Variants in TENM2 observed in about 807,000 individuals in gnomAD.
TENM2 encodes the protein teneurin transmembrane protein 2, also known as teneurin-2.
TENM2 carries 52 observed loss-of-function variants against 245.2 expected under a neutral mutation model. That is an observed-to-expected ratio of 0.21 (90% confidence interval 0.17 to 0.27). TENM2 has a LOEUF of 0.27. Among genes scored for constraint, TENM2 ranks in the 10% least tolerant of loss-of-function variants. The pLI is 1.00. For synonymous variants in TENM2, 1,363 were observed against 1,438.9 expected (o/e 0.95, Z 1.19); for missense variants, 3,046 against 3,666.8 (o/e 0.83, Z 4.37).
At chr5:167,404,863 C>A (rs1253945239) in intron 2 of TENM2, among the ~76,000 whole-genome samples, 2 of 152,102 alleles carry the variant, frequency 1.3e-5, no homozygotes, top group African/African-American at 4.8e-5. Context: ...GCTTGTGCAA[C>A]CTTCAGCACA....
rs1386233003 is a variant in TENM2 at position 167,486,984 on chromosome 5, C to G, written c.502+111511C>G. Among the ~76,000 whole-genome samples, 3 of 152,208 alleles carry G rather than the reference C, an allele frequency of 2.0e-5. No individual in the cohort carries two copies. In the East Asian group the frequency reaches 5.8e-4, roughly 29 times the overall value. On this transcript the variant is annotated intron_variant, in intron 2 of 28. Coordinates refer to ENST00000518659, the Ensembl canonical transcript of TENM2. Reference sequence around the variant, plus strand: ...AGTACAGCAAAAATGTACATATGTACATACATAAATATCAAGAGATTGTTT... The same window carrying G: ...AGTACAGCAAAAATGTACATATGTAGATACATAAATATCAAGAGATTGTTT...
At chr5:167,551,600 A>G (rs1385627828) in intron 2 of TENM2, among the ~76,000 whole-genome samples, 1 of 152,236 alleles carries the variant, frequency 6.6e-6, no homozygotes, top group East Asian at 1.9e-4. Context: ...ATATACACAC[A>G]CATACATACA....
At chr5:167,760,529 T>G (rs759951549) in intron 2 of TENM2, among the ~76,000 whole-genome samples, 2 of 152,184 alleles carry the variant, frequency 1.3e-5, no homozygotes, top group Non-Finnish European at 2.9e-5. Context: ...AGAATTTTTA[T>G]TGTTGGCCTG....
rs533021158 is a variant in TENM2, at chr5:167,955,907, C to T, written c.947+3085C>T. Among the ~76,000 whole-genome samples the T allele has an allele frequency of 2.0e-5, 3 of 152,274 alleles. No individual in the cohort carries two copies. In the South Asian group the frequency reaches 6.2e-4, roughly 32 times the overall value. ...AGTTTGAAGTCAGGTAGCGTGATGA[C>T]TCCTGTTTTGTTCTTTTTGCTTAGG... is the stretch of plus-strand genomic sequence containing the variant. On this transcript the variant is annotated intron_variant, in intron 4 of 28. Transcript: ENST00000518659.
At chr5:168,152,414 C>T (rs967665806) in intron 12 of TENM2, among the ~76,000 whole-genome samples, 3 of 152,164 alleles carry the variant, frequency 2.0e-5, no homozygotes, top group African/African-American at 4.8e-5. Flanking sequence ...TGATTTTACA[C>T]TAGTTAAAAG....
At chr5:167,378,628 C>G (rs920284017) in intron 2 of TENM2, among the ~76,000 whole-genome samples, 1 of 151,988 alleles carries the variant, frequency 6.6e-6, no homozygotes. Context: ...AAGGGCTTTC[C>G]TAGTAACTTT....
chr5:168,200,800 T>A (rs939237147), intron 17 of TENM2, among the ~76,000 whole-genome samples: 72 of 152,364 alleles, frequency 4.7e-4, no homozygotes, highest in East Asian at 1.9e-4. Context: ...AGTTGTGAGC[T>A]GTAGATTAAT....
intron 2 of TENM2, among the ~76,000 whole-genome samples, chr5:167,792,868 C>T (rs1168244970): frequency 2.0e-5 from 3 of 152,162 alleles, no homozygotes; most frequent in Non-Finnish European, 4.4e-5. Context: ...AACATTTTCA[C>T]GGTTTCTGCA....
chr5:167,060,066 C>T, the TENM2 span, among the ~76,000 whole-genome samples: 91,973 of 151,982 alleles, frequency 0.61, 30,213 homozygotes, highest in African/African-American at 0.88. Flanking sequence ...AAATTAAAAA[C>T]TTTTTAATTA....
At chr5:167,325,419 C>T (rs539435289) in intron 1 of TENM2, among the ~76,000 whole-genome samples, 1 of 152,290 alleles carries the variant, frequency 6.6e-6, no homozygotes, top group South Asian at 2.1e-4. Flanking sequence ...AGTCAACAAG[C>T]AACTATTGTA....
At chr5:167,480,323 G>A (rs747367964) in intron 2 of TENM2, among the ~76,000 whole-genome samples, 6 of 152,148 alleles carry the variant, frequency 3.9e-5, no homozygotes, top group South Asian at 2.1e-4. Context: ...GTTAATGCTC[G>A]TAATGTTTTT....
intron 15 of TENM2, among the ~76,000 whole-genome samples, chr5:168,198,186 C>T (rs571338517): frequency 4.2e-4 from 61 of 145,008 alleles, no homozygotes; most frequent in Middle Eastern, 3.6e-3. Flanking sequence ...TGCCAATGAA[C>T]CCTTTTTTTT....
At chr5:167,279,080 C>G in the TENM2 span, among the ~76,000 whole-genome samples, 1 of 152,100 alleles carries the variant, frequency 6.6e-6, no homozygotes, top group African/African-American at 2.4e-5. Context: ...TCTTTTATTT[C>G]AGTACTTGAA....
the TENM2 span, among the ~76,000 whole-genome samples, chr5:167,142,462 A>C: frequency 2.6e-5 from 4 of 151,420 alleles, no homozygotes; most frequent in Admixed American, 2.6e-4. Flanking sequence ...ACTTTTATCC[A>C]TATATATATA....
intron 2 of TENM2, among the ~76,000 whole-genome samples, chr5:167,475,309 G>T (rs888913229): frequency 3.9e-5 from 6 of 151,928 alleles, no homozygotes; most frequent in Non-Finnish European, 7.4e-5. Flanking sequence ...AGAAACTATT[G>T]ACCCAAAGAA....
rs1056314031 is a variant in TENM2 at position 167,958,333 on chromosome 5, A to T, written c.947+5511A>T. Among the ~76,000 whole-genome samples the T allele has an allele frequency of 3.3e-5, 5 of 152,240 alleles. No homozygotes were observed. The East Asian group carries it at 7.7e-4, about 23-fold the overall frequency. Reference sequence around the variant, plus strand: ...GTTTTTTGCTTTCCATTTGCTTGGTAGACATTCCTCCATCCCTTTATTTTG... The same window carrying T: ...GTTTTTTGCTTTCCATTTGCTTGGTTGACATTCCTCCATCCCTTTATTTTG... On this transcript the variant is annotated intron_variant, in intron 4 of 28. Transcript: ENST00000518659.
chr5:167,268,935 C>T, the TENM2 span, among the ~76,000 whole-genome samples: 3 of 131,172 alleles, frequency 2.3e-5, no homozygotes, highest in African/African-American at 8.6e-5. Context: ...GATAGACAGA[C>T]ATTTTTTTTT....
At position 167,698,669 on chromosome 5, in the gene TENM2, TTTGTTTTTTG is replaced by T. The variant is rs1254606044; in HGVS notation, c.503-177314_503-177305del. On this transcript the variant is annotated intron_variant, in intron 2 of 28. Coordinates refer to ENST00000518659, the Ensembl canonical transcript of TENM2. Reference sequence around the variant, plus strand: ...TTTTCTGTGTGTGTGTGTGTTTTGTTTTGTTTTTTGTTTTTTTTTTTTTTTTTTTTTTGAG... The same window carrying T: ...TTTTCTGTGTGTGTGTGTGTTTTGTTTTTTTTTTTTTTTTTTTTTTTTGAG... 3.1e-3 allele frequency among the ~76,000 whole-genome samples: 417 copies of T among 134,776 alleles called. 4 individuals carry two copies. The highest frequency in any genetic ancestry group is 0.012 in the African/African-American group (389 of 32,954). 88.4% of individuals were successfully genotyped at this position (134,776 alleles called of 152,430 possible). A position where few individuals can be genotyped will look rare whatever the true frequency, so the allele number is the denominator to read the frequency against.
intron 3 of TENM2, among the ~76,000 whole-genome samples, chr5:167,902,201 C>G (rs916329993): frequency 6.6e-5 from 10 of 152,130 alleles, no homozygotes; most frequent in African/African-American, 1.4e-4. Context: ...GGCATGTACC[C>G]TCTGTCCCAA....
Sources: allele counts gnomAD v4.1 joint callset (sites outside exome capture counted in the v4.1 genomes callset), GRCh38; gene constraint gnomAD v4.1.1; transcripts MANE v1.5; gene names NCBI Gene and HGNC (gene_info 2026-07-23, HGNC 2026-07-21).